Variants in KAT2A observed in about 807,000 individuals in gnomAD.
KAT2A encodes the protein histone acetyltransferase KAT2A.
KAT2A carries 42 observed loss-of-function variants against 95.2 expected under a neutral mutation model. That is an observed-to-expected ratio of 0.44 (90% confidence interval 0.34 to 0.57). The LOEUF (loss-of-function observed/expected upper bound fraction) is 0.57. KAT2A is among the 20% of genes least tolerant of loss of function. The pLI is 0.01. For missense variants in KAT2A, 784 were observed against 1,126.3 expected (o/e 0.70, Z 4.35); for synonymous variants, 449 against 448.2 (o/e 1.00, Z -0.02).
In KAT2A at chr17:42,117,345, C is replaced by T; in HGVS notation, c.1637+43G>A. On this transcript the variant is annotated intron_variant, in intron 10 of 17. Transcript: ENST00000225916. This position sits in a 1 kb window ranked among gnomAD's most constrained non-coding sequence, Gnocchi z 8.9. Reference sequence around the variant, plus strand: ...GTGAAGAGGCCGAGGAGGAAGGGAACTGGGTGTGCTGCCCTGGGGGAGGGG... The same window carrying T: ...GTGAAGAGGCCGAGGAGGAAGGGAATTGGGTGTGCTGCCCTGGGGGAGGGG... 6.3e-7 allele frequency: 1 copy of T among 1,599,258 alleles called. No individual in the cohort carries two copies. The highest frequency in any genetic ancestry group is 8.6e-7 in the Non-Finnish European group (1 of 1,168,150).
rs946180307 is a variant in KAT2A, at chr17:42,113,377, C to T, written c.*272G>A. The T allele has an allele frequency of 5.9e-6, 2 of 341,662 alleles. No homozygotes were observed. The highest frequency in any genetic ancestry group is 5.2e-5 in the Admixed American group (1 of 19,130). The allele number at this position is 341,662 out of a possible 1,614,324, so 21.2% of individuals were successfully genotyped here. ...TGGGGACCAGGCCTGGGGGCCACCA[C>T]GGCTGGGCAAGGTTCATCCCTGGCC... On this transcript the variant is annotated 3_prime_UTR_variant, in exon 18 of 18. Transcript: ENST00000225916.
chr17:42,116,177 C>T (rs529806767), intron 11 of KAT2A, among the ~76,000 whole-genome samples: 117 of 152,334 alleles, frequency 7.7e-4, no homozygotes, highest in Middle Eastern at 6.8e-3. Context: ...GGCTGCCAGC[C>T]GTGGCAGGGC....
rs1009873594 is a variant in KAT2A, at chr17:42,119,847, C to T, written c.700-129G>A. ...CCTTCTCCTCTCTCTCTCGGGTGCT[C>T]TCTATAGAAAAGCTCTGCCCCCTCC... is the stretch of plus-strand genomic sequence containing the variant. On this transcript the variant is annotated intron_variant, in intron 4 of 17. Coordinates refer to ENST00000225916, the MANE Select transcript of KAT2A (RefSeq NM_021078.3). This position sits in a 1 kb window ranked among gnomAD's most constrained non-coding sequence, Gnocchi z 5.3. 45 of 996,182 alleles carry T rather than the reference C, an allele frequency of 4.5e-5. No homozygotes were observed. The highest frequency in any genetic ancestry group is 6.4e-5 in the Non-Finnish European group (43 of 675,226). The allele number at this position is 996,182 out of a possible 1,614,324, so 61.7% of individuals were successfully genotyped here.
At chr17:42,116,468 A>G (rs782159987) in intron 11 of KAT2A, among the ~76,000 whole-genome samples, 2 of 152,248 alleles carry the variant, frequency 1.3e-5, no homozygotes, top group Non-Finnish European at 2.9e-5. Context: ...CTGTAATCCC[A>G]GCACTTTGGG....
intron 2 of KAT2A, 120 bp from the exon 3 acceptor site, chr17:42,120,490 G>A (rs2054320618): frequency 7.2e-6 from 9 of 1,251,434 alleles, no homozygotes; most frequent in Non-Finnish European, 1.0e-5. Flanking sequence ...GACCAACAGT[G>A]AGACTGACTG....
At chr17:42,118,976 G>C in intron 6 of KAT2A, 2 of 1,244,382 alleles carry the variant, frequency 1.6e-6, no homozygotes. Flanking sequence ...GCTGTGTCCA[G>C]GCCCCCATGG....
chr17:42,116,886 G>A (rs555391328), intron 11 of KAT2A, 149 bp downstream of exon 11: 12 of 948,406 alleles, frequency 1.3e-5, no homozygotes, highest in South Asian at 4.7e-5. Context: ...ATCAAAGTAC[G>A]GCTGCCACCT....
chr17:42,113,910 T>C (rs2054209675), intron 17 of KAT2A, 68 bp from the exon 18 acceptor site: 12 of 1,478,554 alleles, frequency 8.1e-6, no homozygotes, highest in Non-Finnish European at 1.1e-5. Flanking sequence ...TCCACCAGGG[T>C]GGGCCCCCTG....
rs1183778491 is a variant in KAT2A at position 42,114,319 on chromosome 17, C to G, written c.2172-37G>C. 6.2e-7 allele frequency: 1 copy of G among 1,613,680 alleles called. No individual in the cohort carries two copies. Among genetic ancestry groups the G allele is most frequent in the African/African-American group, 1.3e-5 (1 of 74,872 alleles). On this transcript the variant is annotated intron_variant, in intron 15 of 17. Coordinates refer to ENST00000225916, the MANE Select transcript of KAT2A (RefSeq NM_021078.3). This position sits in a 1 kb window ranked among gnomAD's most constrained non-coding sequence, Gnocchi z 6.0. ...GACACCAAGTCTGAGGCTCCAAGTC[C>G]CTCTGCCCCACCCCCAACCCGGCTC...
In KAT2A at chr17:42,119,640, T is replaced by C; in HGVS notation, c.778A>G (p.Met260Val). ...CAGTAGTTAAGGCAGAGCAAGAACA[T>C]CTTTGAGAGCTCGAACATCGTCTGC... ...ERQTMFELSK[M>V]FLLCLNYWKL... The change falls in exon 5 of 18, where the codon ATG becomes GTG. Residue 260 changes from methionine to valine, a missense_variant. This residue lies in a region of KAT2A where 208 missense variants were observed against 339.7 expected (regional missense o/e 0.61). Transcript: ENST00000225916. This position sits in a 1 kb window ranked among gnomAD's most constrained non-coding sequence, Gnocchi z 5.3. 6.2e-7 allele frequency: 1 copy of C among 1,614,006 alleles called. No homozygotes were observed. The highest frequency in any genetic ancestry group is 8.5e-7 in the Non-Finnish European group (1 of 1,179,946).
rs781971965 is a variant in KAT2A, at chr17:42,120,366, G to A, written c.468C>T (p.Asp156=). ...ACACATTCTCCAAGTGGGATACGTG[G>A]TCAGCTGCAAGACAGATGGCAGAGT... ...LCRSCEHPLA[D]HVSHLENVSE... is the part of the protein sequence containing the mutation. Residue 156 remains aspartate, a synonymous_variant, in exon 3 of 18, where the codon GAC becomes GAT. Transcript: ENST00000225916. The A allele has an allele frequency of 6.2e-7, 1 of 1,614,066 alleles. No homozygotes were observed.
rs1555666081 is a variant in KAT2A, at chr17:42,117,040, C to T, written c.1759G>A (p.Val587Ile). ...VFCAVTSNEQVKGYGTHLMNH... is the reference protein window; with the variant it reads ...VFCAVTSNEQIKGYGTHLMNH... ...GGCCGGGGAGCCGCGCTCACCTTGACCTGCTCATTCGAGGTGACAGCACAG... is the reference window on the plus strand; with the variant it reads ...GGCCGGGGAGCCGCGCTCACCTTGATCTGCTCATTCGAGGTGACAGCACAG... Residue 587 changes from valine (V) to isoleucine (I), a missense_variant, in exon 11 of 18, where the codon GTC becomes ATC. Physicochemically the swap from Val to Ile is conservative, Grantham distance 29. This residue lies in a region of KAT2A where 174 missense variants were observed against 324.9 expected (regional missense o/e 0.54). Coordinates refer to ENST00000225916, the MANE Select transcript of KAT2A (RefSeq NM_021078.3). The surrounding 1 kb of genome is among the most constrained non-coding windows in gnomAD (Gnocchi z 8.9). 6.2e-7 allele frequency: 1 copy of T among 1,614,066 alleles called. No homozygotes were observed.
rs1410903383 is a variant in KAT2A at position 42,117,655 on chromosome 17, G to A, written c.1428+23C>T. ...TCAGGTTGGTGGGGGTCCCCCAACT[G>A]GTCAGCAGGTCGGGCTGCCCACCTC... On this transcript the variant is annotated intron_variant, in intron 9 of 17. Coordinates refer to ENST00000225916, the MANE Select transcript of KAT2A (RefSeq NM_021078.3). This position sits in a 1 kb window ranked among gnomAD's most constrained non-coding sequence, Gnocchi z 8.9. 6.2e-7 allele frequency: 1 copy of A among 1,605,958 alleles called. No individual in the cohort carries two copies. Among genetic ancestry groups the A allele is most frequent in the Non-Finnish European group, 8.5e-7 (1 of 1,174,880 alleles).
intron 2 of KAT2A, 68 bp from the exon 3 acceptor site, chr17:42,120,438 C>A: frequency 6.6e-7 from 1 of 1,522,020 alleles, no homozygotes. Flanking sequence ...TGACCCTCTT[C>A]ACAGCCAAGC....
At position 42,117,955 on chromosome 17, in the gene KAT2A, T is replaced by G; in HGVS notation, c.1243A>C (p.Ser415Arg). ...GAATCCAGACTCAGGGAGCTGTTGC[T>G]GCCCCCACCCATGCTGGGGCTGAAG... The part of the protein sequence containing the change: ...PIFSPSMGGG[S>R]NSSLSLDSAG... The change falls in exon 8 of 18, where the codon AGC becomes CGC. Residue 415 changes from serine (S) to arginine (R), a missense_variant. Physicochemically the swap from Ser to Arg is moderately radical, Grantham distance 110. Transcript: ENST00000225916. This position sits in a 1 kb window ranked among gnomAD's most constrained non-coding sequence, Gnocchi z 8.9. The G allele has an allele frequency of 6.2e-7, 1 of 1,608,580 alleles. No homozygotes were observed. The highest frequency in any genetic ancestry group is 8.5e-7 in the Non-Finnish European group (1 of 1,176,316).
Position 42,120,138 on chromosome 17 carries a change from G to A in KAT2A, c.610-19C>T. The stretch of plus-strand genomic sequence containing the variant: ...GCAGTAGCTAGAGAGAAGAGGAAGG[G>A]GGCATAGAGGGGAGGGGGGCAGAGC... On this transcript the variant is annotated intron_variant, in intron 3 of 17. Transcript: ENST00000225916. 1.2e-6 allele frequency: 2 copies of A among 1,613,866 alleles called. No individual in the cohort carries two copies. The highest frequency in any genetic ancestry group is 1.1e-5 in the South Asian group (1 of 91,084).
Position 42,117,003 on chromosome 17 carries a change from G to A in KAT2A, c.1764+32C>T, listed in dbSNP as rs199780702. On this transcript the variant is annotated intron_variant, in intron 11 of 17. Transcript: ENST00000225916. The surrounding 1 kb of genome is among the most constrained non-coding windows in gnomAD (Gnocchi z 8.9). ...GGCCCAAACTCAGGAGTGGGCCGTGGACTGGGGCTGGGGCCGGGGAGCCGC... is the reference window on the plus strand; with the variant it reads ...GGCCCAAACTCAGGAGTGGGCCGTGAACTGGGGCTGGGGCCGGGGAGCCGC... 76 of 1,612,014 alleles carry A rather than the reference G, an allele frequency of 4.7e-5. No homozygotes were observed. The South Asian group carries it at 7.4e-4, about 16-fold the overall frequency.
chr17:42,115,262 A>G (rs1396223838), intron 12 of KAT2A, among the ~76,000 whole-genome samples: 3 of 134,390 alleles, frequency 2.2e-5, no homozygotes, highest in Middle Eastern at 3.6e-3. Context: ...AGCCTGCTCT[A>G]CTGGCCCCCC....
In KAT2A at chr17:42,115,015, C is replaced by G. The variant is rs1555665679; in HGVS notation, c.1896G>C (p.Lys632Asn). The G allele has an allele frequency of 6.2e-7, 1 of 1,613,960 alleles. No homozygotes were observed. The highest frequency in any genetic ancestry group is 8.5e-7 in the Non-Finnish European group (1 of 1,179,940). ...AGCCCAGGTAGCGGCTCTTGGGCAC[C>G]TTGATGTCCTTGGAGAAACCCTGGG... The part of the protein sequence containing the change: ...FKKQGFSKDI[K>N]VPKSRYLGYI... The change falls in exon 13 of 18, where the codon AAG (lysine) becomes AAC (asparagine). Residue 632 changes from lysine to asparagine, a missense_variant. Transcript: ENST00000225916.
Sources: allele counts gnomAD v4.1 joint callset (sites outside exome capture counted in the v4.1 genomes callset), GRCh38; gene constraint gnomAD v4.1.1; regional missense constraint gnomAD v4.1.1; non-coding constraint Gnocchi (gnomAD v3.1); transcripts MANE v1.5; gene names NCBI Gene and HGNC (gene_info 2026-07-23, HGNC 2026-07-21).